Variants in SLCO4A1 observed in about 807,000 individuals in gnomAD.
SLCO4A1 encodes solute carrier organic anion transporter family member 4A1.
Under a neutral mutation model 64.6 loss-of-function variants are expected in SLCO4A1, and 51 were observed. The observed-to-expected ratio is 0.79, with a 90% CI of 0.63 to 1.00. SLCO4A1 has a LOEUF of 1.00. Ranked by LOEUF, SLCO4A1 falls within the 50% of genes least tolerant of loss-of-function variation. The pLI is 0.00. For synonymous variants in SLCO4A1, 471 were observed against 444.9 expected, an observed-to-expected ratio of 1.06 and a Z score of -0.74; for missense variants, 919 against 980.5, an observed-to-expected ratio of 0.94 and a Z score of 0.84.
chr20:62,678,742 G>C (rs1055375122), intron 2 of SLCO4A1, among the ~76,000 whole-genome samples: 3 of 151,534 alleles, frequency 2.0e-5, no homozygotes, highest in African/African-American at 7.3e-5. Flanking sequence ...TGAGAGGGGG[G>C]CACTGTTAAT....
intron 6 of SLCO4A1, chr20:62,665,443 C>T: frequency 5.0e-6 from 1 of 199,268 alleles, no homozygotes; most frequent in Middle Eastern, 1.8e-3. Context: ...TGGAACAGTG[C>T]AGCTGGGGGT....
chr20:62,686,840 C>T (rs183893320), downstream of SLCO4A1, among the ~76,000 whole-genome samples: 434 of 152,242 alleles, frequency 2.9e-3, 2 homozygotes, highest in East Asian at 0.013. Flanking sequence ...AGGGTGCCCC[C>T]GAACAGGCAC....
intron 1 of SLCO4A1, chr20:62,643,031 G>A (rs1354928253): frequency 1.3e-5 from 6 of 470,224 alleles, no homozygotes; most frequent in Non-Finnish European, 2.2e-5. Context: ...GGCCGCTGCT[G>A]CCGAGTCAAG....
intron 5 of SLCO4A1, among the ~76,000 whole-genome samples, chr20:62,663,863 GGAGGGCTTTGCGTGGTTTACAC>G (rs1173371489): frequency 6.6e-6 from 1 of 152,210 alleles, no homozygotes; most frequent in Non-Finnish European, 1.5e-5. Flanking sequence ...GCACTGGCTG[GGAGGGCTTTGCGTGGTTTACAC>G]CATGCAACAC....
At chr20:62,684,258 G>A (rs924399987) in intron 2 of SLCO4A1, among the ~76,000 whole-genome samples, 1 of 152,254 alleles carries the variant, frequency 6.6e-6, no homozygotes, top group Non-Finnish European at 1.5e-5. Context: ...TCTCCCCTCT[G>A]AAATGGGGCT....
chr20:62,684,398 C>T (rs978543782), intron 2 of SLCO4A1, among the ~76,000 whole-genome samples: 1 of 152,350 alleles, frequency 6.6e-6, no homozygotes, highest in East Asian at 1.9e-4. Context: ...AACCGAGGCA[C>T]AAGGAGCTGA....
chr20:62,668,365 G>T (rs561239003), intron 9 of SLCO4A1, 112 bp from the exon 10 acceptor site: 28 of 1,300,120 alleles, frequency 2.2e-5, no homozygotes, highest in East Asian at 6.9e-5. Context: ...TTCCCACTTG[G>T]GGGGGGGTGA....
intron 2 of SLCO4A1, among the ~76,000 whole-genome samples, chr20:62,677,831 G>A (rs987409287): frequency 6.6e-6 from 1 of 152,336 alleles, no homozygotes; most frequent in South Asian, 2.1e-4. Flanking sequence ...GGGAGCCCCC[G>A]CTCTGGCACC....
chr20:62,658,062 C>G (rs977771251), intron 2 of SLCO4A1, among the ~76,000 whole-genome samples: 1 of 152,216 alleles, frequency 6.6e-6, no homozygotes, highest in Non-Finnish European at 1.5e-5. Flanking sequence ...GACCCCACTT[C>G]TCGGCGTCCC....
intron 5 of SLCO4A1, among the ~76,000 whole-genome samples, chr20:62,662,610 A>G (rs989728119): frequency 2.0e-5 from 3 of 152,218 alleles, no homozygotes; most frequent in African/African-American, 7.2e-5. Flanking sequence ...CCGAGCAATC[A>G]GTGATTAAGA....
At chr20:62,668,368 G>A (rs1304976139) in intron 9 of SLCO4A1, 109 bp from the exon 10 acceptor site, 1 of 1,312,476 alleles carries the variant, frequency 7.6e-7, no homozygotes, top group Non-Finnish European at 1.1e-6. Flanking sequence ...CCACTTGGGG[G>A]GGGGTGATGA....
At chr20:62,659,833 C>G (rs576522743) in intron 3 of SLCO4A1, among the ~76,000 whole-genome samples, 1 of 152,366 alleles carries the variant, frequency 6.6e-6, no homozygotes, top group East Asian at 1.9e-4. Flanking sequence ...CCCGAAAGCC[C>G]AGAGCTTGTC....
Position 62,645,758 on chromosome 20 carries a change from G to T in SLCO4A1, c.-97+3205G>T, listed in dbSNP as rs574258364. On this transcript the variant is annotated intron_variant, in intron 1 of 11. Transcript: ENST00000217159. The surrounding 1 kb of genome is among the most constrained non-coding windows in gnomAD (Gnocchi z 4.2). ...TGGGGTCGCTTTTGGGTGCCAGAGA[G>T]CCCAGATTCCTCTCCCTCCCACGCG... Among the ~76,000 whole-genome samples the T allele has an allele frequency of 5.8e-4, 88 of 152,040 alleles. No homozygotes were observed. Among genetic ancestry groups the T allele is most frequent in the African/African-American group, 2.1e-3 (87 of 41,476 alleles).
At position 62,660,439 on chromosome 20, in the gene SLCO4A1, G is replaced by A. The variant is rs1474025200; in HGVS notation, c.915G>A (p.Leu305=). The change falls in exon 4 of 12, where the codon CTG becomes CTA. Residue 305 remains leucine, a synonymous_variant. Coordinates refer to ENST00000217159, the MANE Select transcript of SLCO4A1 (RefSeq NM_016354.4). ...RRTELTTESP[L]WVGAWWVGFL... ...CGGAGCTGACCACCGAGAGCCCACT[G>A]TGGGTCGGCGCCTGGTGGGTCGGCT... 8 of 1,600,472 alleles carry A rather than the reference G, an allele frequency of 5.0e-6. No individual in the cohort carries two copies. Among genetic ancestry groups the A allele is most frequent in the Non-Finnish European group, 5.1e-6 (6 of 1,179,880 alleles).
downstream of SLCO4A1, among the ~76,000 whole-genome samples, chr20:62,675,410 G>A (rs888223030): frequency 3.9e-4 from 59 of 152,262 alleles, no homozygotes; most frequent in African/African-American, 1.2e-3. Context: ...CAAGAGCTGC[G>A]GGGTCTCTGC....
In SLCO4A1 at chr20:62,654,585, T is replaced by C. The variant is rs3761305; in HGVS notation, c.-96-1774T>C. Among the ~76,000 whole-genome samples, 619 of 152,366 alleles carry C rather than the reference T, an allele frequency of 4.1e-3. 6 individuals are homozygous for C. Among genetic ancestry groups the C allele is most frequent in the East Asian group, 0.035 (180 of 5,180 alleles). On this transcript the variant is annotated intron_variant, in intron 1 of 11. Transcript: ENST00000217159. ...GCCGGATACTTAGGGCTTCGGACTC[T>C]GCAGAGCCCTGAGCATGGCTGATGT...
chr20:62,668,178 C>T lies in SLCO4A1; in HGVS notation c.1805C>T (p.Thr602Ile). Reference protein sequence around the residue: ...FLSSIPALTATLRCVRDPQRS... With the variant: ...FLSSIPALTAILRCVRDPQRS... ...AGCAGCATTCCTGCACTAACGGCAA[C>T]TCTACGGTAAGCTGGGGTCGGGTGT... Residue 602 changes from threonine (T) to isoleucine (I), a missense_variant, in exon 9 of 12, where the codon ACT (threonine) becomes ATT (isoleucine). Physicochemically the swap from Thr to Ile is moderately conservative, Grantham distance 89 (BLOSUM62 -1). Transcript: ENST00000217159. 6.2e-7 allele frequency: 1 copy of T among 1,613,790 alleles called. No individual in the cohort carries two copies. Among genetic ancestry groups the T allele is most frequent in the East Asian group, 2.2e-5 (1 of 44,884 alleles).
chr20:62,689,291 C>T (rs529200638), downstream of SLCO4A1, among the ~76,000 whole-genome samples: 274 of 151,476 alleles, frequency 1.8e-3, 2 homozygotes, highest in African/African-American at 6.2e-3. Context: ...GGCTGTGCCC[C>T]GTGCCTCGCA....
At chr20:62,688,116 A>T (rs1053426927), downstream of SLCO4A1, among the ~76,000 whole-genome samples, 2 of 151,854 alleles carry the variant, frequency 1.3e-5, no homozygotes, top group African/African-American at 4.8e-5. Flanking sequence ...AGCATAAGAG[A>T]CCTACACACA....
Sources: allele counts gnomAD v4.1 joint callset (sites outside exome capture counted in the v4.1 genomes callset), GRCh38; gene constraint gnomAD v4.1.1; non-coding constraint Gnocchi (gnomAD v3.1); transcripts MANE v1.5; gene names NCBI Gene and HGNC (gene_info 2026-07-23, HGNC 2026-07-21).